The following WDPCP variants were observed in gnomAD, a reference collection of about 807,000 sequenced individuals.
WDPCP encodes WD repeat-containing and planar cell polarity effector protein fritz homolog.
In WDPCP, 71 loss-of-function variants were observed where a neutral mutation model predicts 93.1. That is an observed-to-expected ratio of 0.76 (90% CI 0.63 to 0.93). WDPCP has a LOEUF of 0.93. Ranked by LOEUF, WDPCP falls within the 40% of genes least tolerant of loss-of-function variation. The pLI, the probability that WDPCP is intolerant of heterozygous loss-of-function variation, is 0.00. For missense variants in WDPCP, 844 were observed against 887.4 expected (o/e 0.95, Z 0.62); for synonymous variants, 315 against 315.0 (o/e 1.00, Z 0.00).
chr2:63,197,355 T>C (rs1045358917), intron 14 of WDPCP, among the ~76,000 whole-genome samples: 1 of 152,196 alleles, frequency 6.6e-6, no homozygotes, highest in Non-Finnish European at 1.5e-5. Context: ...GCTTATGCTA[T>C]TGGTAATGCT....
rs531715298 is a variant in WDPCP, at chr2:63,205,867, T to A, written c.1916-31035A>T. Reference sequence around the variant, plus strand: ...CTAAGACCTCCAGTACTATGTTGAGTAACAGTGGTGAAAGCGGGCATCCTT... The same window carrying A: ...CTAAGACCTCCAGTACTATGTTGAGAAACAGTGGTGAAAGCGGGCATCCTT... On this transcript the variant is annotated intron_variant, in intron 14 of 17. Transcript: ENST00000272321. 2.0e-5 allele frequency among the ~76,000 whole-genome samples: 3 copies of A among 152,296 alleles called. No homozygotes were observed. The East Asian group carries it at 5.8e-4, about 29-fold the overall frequency.
chr2:63,236,116 T>A (rs1284428597), intron 14 of WDPCP, among the ~76,000 whole-genome samples: 1 of 152,202 alleles, frequency 6.6e-6, no homozygotes. Flanking sequence ...CTAGACCTGA[T>A]AAATGACTTC....
chr2:63,541,110 A>AC (rs1021737807), intron 1 of WDPCP, among the ~76,000 whole-genome samples: 7 of 151,992 alleles, frequency 4.6e-5, no homozygotes, highest in Non-Finnish European at 2.9e-5. Context: ...AGTGGCTGGG[A>AC]CTACAGGCAT....
chr2:63,678,246 G>A (rs977617493), intron 2 of WDPCP, among the ~76,000 whole-genome samples: 5 of 152,142 alleles, frequency 3.3e-5, no homozygotes, highest in African/African-American at 1.2e-4. Flanking sequence ...AGGCATCACA[G>A]TCTCATCCTA....
chr2:63,321,888 T>C (rs1231676865), intron 12 of WDPCP, among the ~76,000 whole-genome samples: 1 of 152,228 alleles, frequency 6.6e-6, no homozygotes, highest in Non-Finnish European at 1.5e-5. Flanking sequence ...TTTATTTCTA[T>C]TGTCTTCTTT....
chr2:63,454,360 G>C (rs1242189352), intron 6 of WDPCP, among the ~76,000 whole-genome samples: 1 of 151,628 alleles, frequency 6.6e-6, no homozygotes, highest in African/African-American at 2.4e-5. Context: ...TTTGGGGGTG[G>C]GGGACTGAGG....
chr2:63,152,944 G>A lies in WDPCP; in HGVS notation c.2160C>T (p.Asp720=), dbSNP rs372727422. Residue 720 remains aspartate (D), a splice_region_variant and synonymous_variant, in exon 17 of 18, where the codon GAC becomes GAT. Coordinates refer to ENST00000272321, the MANE Select transcript of WDPCP (RefSeq NM_015910.7). ...FLMTNTCNAE[D]GELREDGREQ... is the part of the protein sequence containing the mutation. ...CTCTGCCGTCTTCTCTCAGTTCTCCGTCTAAAGTAAAAGATTAAAACATTA... is the reference window on the plus strand; with the variant it reads ...CTCTGCCGTCTTCTCTCAGTTCTCCATCTAAAGTAAAAGATTAAAACATTA... 100 of 1,612,158 alleles carry A rather than the reference G, an allele frequency of 6.2e-5. No individual in the cohort carries two copies. The East Asian group carries it at 1.5e-3, about 23-fold the overall frequency.
intron 13 of WDPCP, among the ~76,000 whole-genome samples, chr2:63,303,250 C>G (rs1413561837): frequency 6.6e-6 from 1 of 152,146 alleles, no homozygotes; most frequent in Non-Finnish European, 1.5e-5. Flanking sequence ...TCCAGTGGCC[C>G]TCCTTCTTGA....
At chr2:63,399,060 C>T (rs980224205) in intron 10 of WDPCP, among the ~76,000 whole-genome samples, 2 of 152,072 alleles carry the variant, frequency 1.3e-5, no homozygotes, top group African/African-American at 4.8e-5. Context: ...TAATCTTATA[C>T]ATTAAAAATG....
intron 1 of WDPCP, among the ~76,000 whole-genome samples, chr2:63,496,180 G>A (rs1701211097): frequency 6.6e-6 from 1 of 152,104 alleles, no homozygotes; most frequent in Admixed American, 6.5e-5. Flanking sequence ...AATGTCTTAT[G>A]TAAATTAAAT....
chr2:63,811,770 C>T (rs538310985), intron 2 of WDPCP, among the ~76,000 whole-genome samples: 31 of 152,242 alleles, frequency 2.0e-4, no homozygotes, highest in African/African-American at 6.7e-4. Context: ...TCTCCCTCCC[C>T]ATTTTGGAGT....
intron 12 of WDPCP, among the ~76,000 whole-genome samples, chr2:63,368,010 G>C (rs1038372391): frequency 3.3e-5 from 5 of 152,154 alleles, no homozygotes; most frequent in South Asian, 2.1e-4. Flanking sequence ...GATTTAGACA[G>C]ATGACCCTCA....
chr2:63,146,674 C>G (rs369125293), intron 17 of WDPCP, among the ~76,000 whole-genome samples: 2 of 151,914 alleles, frequency 1.3e-5, no homozygotes, highest in African/African-American at 4.8e-5. Flanking sequence ...TGTTCCCGGC[C>G]GAGAGTTTTT....
intron 12 of WDPCP, among the ~76,000 whole-genome samples, chr2:63,330,758 T>A (rs1030908150): frequency 5.3e-5 from 8 of 152,176 alleles, no homozygotes; most frequent in Non-Finnish European, 1.0e-4. Flanking sequence ...AACTTGCTTG[T>A]ATGGTATAAG....
chr2:63,531,837 G>C (rs1703877080), intron 1 of WDPCP, among the ~76,000 whole-genome samples: 1 of 152,166 alleles, frequency 6.6e-6, no homozygotes, highest in African/African-American at 2.4e-5. Flanking sequence ...GCCAGCAGCA[G>C]AACAAAGCTG....
chr2:63,534,864 A>C (rs1197126987), intron 1 of WDPCP, among the ~76,000 whole-genome samples: 1 of 152,226 alleles, frequency 6.6e-6, no homozygotes, highest in Non-Finnish European at 1.5e-5. Flanking sequence ...TGGCCAGGGC[A>C]ATCAGGCAGG....
chr2:63,146,030 A>T (rs1228595571), intron 17 of WDPCP, among the ~76,000 whole-genome samples: 1 of 152,178 alleles, frequency 6.6e-6, no homozygotes, highest in Non-Finnish European at 1.5e-5. Flanking sequence ...GTGTATAGGA[A>T]TGCTAGTCAT....
intron 1 of WDPCP, among the ~76,000 whole-genome samples, chr2:63,547,398 T>G (rs1178362972): frequency 1.3e-5 from 2 of 152,150 alleles, no homozygotes; most frequent in Admixed American, 1.3e-4. Context: ...GATCCAGCAA[T>G]TCCACTACTG....
At chr2:63,430,882 A>G (rs1415184979) in intron 9 of WDPCP, among the ~76,000 whole-genome samples, 1 of 152,196 alleles carries the variant, frequency 6.6e-6, no homozygotes, top group Non-Finnish European at 1.5e-5. Context: ...CTACGTCTAA[A>G]ATATATGTGT....
Sources: allele counts gnomAD v4.1 joint callset (sites outside exome capture counted in the v4.1 genomes callset), GRCh38; gene constraint gnomAD v4.1.1; transcripts MANE v1.5; gene names NCBI Gene and HGNC (gene_info 2026-07-23, HGNC 2026-07-21).